The following CBX5 variants were observed in gnomAD, a reference collection of about 807,000 sequenced individuals.
CBX5 encodes chromobox 5, also known as chromobox protein homolog 5.
CBX5 carries 7 observed loss-of-function variants against 20.7 expected under a neutral mutation model. The observed-to-expected ratio is 0.34, with a 90% CI of 0.19 to 0.63. The LOEUF (loss-of-function observed/expected upper bound fraction) is 0.63, where lower values mean the gene tolerates loss of function less well. CBX5 is among the 30% of genes least tolerant of loss of function. CBX5 has a pLI of 0.75. For synonymous variants in CBX5, 78 were observed against 77.0 expected (o/e 1.01, Z -0.07); for missense variants, 110 against 224.1 (o/e 0.49, Z 3.25).
At chr12:54,252,713 G>A (rs1417167322) in intron 2 of CBX5, among the ~76,000 whole-genome samples, 4 of 152,074 alleles carry the variant, frequency 2.6e-5, no homozygotes, top group Admixed American at 2.0e-4. Context: ...AGCCGGGCAC[G>A]GTGGCTCACA....
intron 3 of CBX5, among the ~76,000 whole-genome samples, 173 bp from the exon 4 acceptor site, chr12:54,246,388 A>T (rs754881789): frequency 1.2e-4 from 18 of 152,354 alleles, no homozygotes; most frequent in Middle Eastern, 3.4e-3. Flanking sequence ...CAATGAAGTG[A>T]CAGTGATGTC....
chr12:54,250,280 A>C (rs1054987519), intron 3 of CBX5, among the ~76,000 whole-genome samples: 3 of 152,052 alleles, frequency 2.0e-5, no homozygotes, highest in African/African-American at 7.2e-5. Flanking sequence ...CTATGGTGGC[A>C]CATGCCTGTA....
intron 1 of CBX5, among the ~76,000 whole-genome samples, chr12:54,267,328 T>C (rs1359793429): frequency 6.6e-6 from 1 of 152,156 alleles, no homozygotes; most frequent in Non-Finnish European, 1.5e-5. Context: ...TGTCCCCAAA[T>C]AAAATTATGG....
intron 1 of CBX5, among the ~76,000 whole-genome samples, chr12:54,275,107 C>T (rs961854105): frequency 1.3e-5 from 2 of 152,164 alleles, no homozygotes; most frequent in Non-Finnish European, 1.5e-5. Flanking sequence ...TGTAGGCTCA[C>T]TCTTTCTTTC....
intron 3 of CBX5, among the ~76,000 whole-genome samples, chr12:54,250,621 A>C (rs1455834391): frequency 6.9e-6 from 1 of 144,646 alleles, no homozygotes; most frequent in Non-Finnish European, 1.5e-5. Context: ...CTGGCTAACA[A>C]GGTGAAACCC....
In CBX5 at chr12:54,252,038, T is replaced by C; in HGVS notation, c.324+3A>G. On this transcript the variant is annotated splice_donor_region_variant and intron_variant, in intron 3 of 4. Coordinates refer to ENST00000209875, the MANE Select transcript of CBX5 (RefSeq NM_012117.3). Reference sequence around the variant, plus strand: ...TTTTGGGGAAAAGGGAAAGGAAGCTTACCTCTCTCTTTTTTTTAGATTTGA... The same window carrying C: ...TTTTGGGGAAAAGGGAAAGGAAGCTCACCTCTCTCTTTTTTTTAGATTTGA... The C allele has an allele frequency of 6.4e-7, 1 of 1,562,424 alleles. No individual in the cohort carries two copies. Among genetic ancestry groups the C allele is most frequent in the Non-Finnish European group, 8.6e-7 (1 of 1,159,934 alleles).
intron 2 of CBX5, chr12:54,252,531 C>G (rs1943816738): frequency 7.3e-6 from 2 of 273,504 alleles, no homozygotes; most frequent in African/African-American, 4.4e-5. Context: ...TATATCCATA[C>G]AAAGGAATAT....
rs1403200849 is a variant in CBX5, at chr12:54,240,107, T to G, written c.*1648A>C. 1.3e-5 allele frequency: 2 copies of G among 152,234 alleles called. No individual in the cohort carries two copies. Among genetic ancestry groups the G allele is most frequent in the Non-Finnish European group, 2.9e-5 (2 of 68,048 alleles). The allele number at this position is 152,234 out of a possible 1,614,324, so 9.4% of individuals were successfully genotyped here. A position where few individuals can be genotyped will look rare whatever the true frequency, so the allele number is the denominator to read the frequency against. ...GCTATATTAAGCATTTATTCTTATT[T>G]CCTCAGCTTTGGGGCTGGGACAAGG... On this transcript the variant is annotated 3_prime_UTR_variant, in exon 5 of 5. Transcript: ENST00000209875.
chr12:54,252,145 T>G lies in CBX5; in HGVS notation c.220A>C (p.Lys74Gln). ...SEFMKKYKKMKEGENNKPREK... is the reference protein window; with the variant it reads ...SEFMKKYKKMQEGENNKPREK... ...CTGGGTTTATTATTTTCACCCTCCTTCATCTTCTTATACTTTTTCATAAAT... is the reference window on the plus strand; with the variant it reads ...CTGGGTTTATTATTTTCACCCTCCTGCATCTTCTTATACTTTTTCATAAAT... The change falls in exon 3 of 5, where the codon AAG becomes CAG. Residue 74 changes from lysine to glutamine, a missense_variant. This residue lies in a region of CBX5 where 58 missense variants were observed against 120.6 expected (regional missense o/e 0.48). Transcript: ENST00000209875. 1 of 1,611,604 alleles carries G rather than the reference T, an allele frequency of 6.2e-7. No homozygotes were observed. The highest frequency in any genetic ancestry group is 8.5e-7 in the Non-Finnish European group (1 of 1,179,032).
chr12:54,264,814 G>C (rs1263325926), intron 1 of CBX5, among the ~76,000 whole-genome samples: 2 of 151,718 alleles, frequency 1.3e-5, no homozygotes, highest in Non-Finnish European at 2.9e-5. Context: ...CTGCACTCTA[G>C]CCTGGGAGAC....
At chr12:54,255,140 G>A (rs1437949291) in intron 2 of CBX5, among the ~76,000 whole-genome samples, 2 of 152,104 alleles carry the variant, frequency 1.3e-5, no homozygotes, top group East Asian at 1.9e-4. Flanking sequence ...AAAAGAGCCT[G>A]GGTTGGCCAG....
intron 1 of CBX5, among the ~76,000 whole-genome samples, chr12:54,265,068 C>G (rs1943944747): frequency 6.6e-6 from 1 of 152,148 alleles, no homozygotes; most frequent in South Asian, 2.1e-4. Flanking sequence ...AGCTCCCTAT[C>G]ACATGGATTA....
intron 1 of CBX5, chr12:54,274,324 A>T (rs1944039230): frequency 6.6e-6 from 1 of 152,228 alleles, no homozygotes; most frequent in African/African-American, 2.4e-5. Flanking sequence ...TAGTACAATG[A>T]TCAGTTAAAA....
intron 1 of CBX5, among the ~76,000 whole-genome samples, chr12:54,279,775 A>G (rs1944114566): frequency 6.6e-6 from 1 of 152,192 alleles, no homozygotes; most frequent in South Asian, 2.1e-4. Flanking sequence ...CGGCAGCTCA[A>G]GGCAGACCCA....
intron 2 of CBX5, among the ~76,000 whole-genome samples, chr12:54,257,064 GC>G (rs1488371104): frequency 2.0e-5 from 3 of 146,658 alleles, no homozygotes; most frequent in Non-Finnish European, 3.0e-5. Context: ...CACCATGTTG[GC>G]CAGGCTGGTC....
intron 4 of CBX5, among the ~76,000 whole-genome samples, chr12:54,243,121 C>T (rs1434759911): frequency 1.3e-5 from 2 of 151,666 alleles, no homozygotes; most frequent in Non-Finnish European, 1.5e-5. Flanking sequence ...GAGACCCTGT[C>T]TCAAAATAAA....
chr12:54,260,543 TAAA>T (rs200040287), intron 1 of CBX5, among the ~76,000 whole-genome samples: 1 of 140,664 alleles, frequency 7.1e-6, no homozygotes, highest in Non-Finnish European at 1.6e-5. Flanking sequence ...CTAAGAAGCT[TAAA>T]AAAAAAAAAG....
chr12:54,275,665 C>T (rs1433560390), intron 1 of CBX5, among the ~76,000 whole-genome samples: 1 of 152,002 alleles, frequency 6.6e-6, no homozygotes, highest in Non-Finnish European at 1.5e-5. Context: ...AAAAATTACC[C>T]ACTAAAATTT....
Position 54,239,129 on chromosome 12 carries a change from A to C in CBX5, c.*2626T>G, listed in dbSNP as rs1450858219. On this transcript the variant is annotated 3_prime_UTR_variant, in exon 5 of 5. Coordinates refer to ENST00000209875, the MANE Select transcript of CBX5 (RefSeq NM_012117.3). ...GCTGCAGGTAGGCAGGAAGAGAACAAAAGTTGTTTTGGCGGCACTCAGTAC... is the reference window on the plus strand; with the variant it reads ...GCTGCAGGTAGGCAGGAAGAGAACACAAGTTGTTTTGGCGGCACTCAGTAC... 1.3e-5 allele frequency: 2 copies of C among 152,264 alleles called. No individual in the cohort carries two copies. Among genetic ancestry groups the C allele is most frequent in the African/African-American group, 4.8e-5 (2 of 41,458 alleles). The allele number at this position is 152,264 out of a possible 1,614,324, so 9.4% of individuals were successfully genotyped here. A position where few individuals can be genotyped will look rare whatever the true frequency, so the allele number is the denominator to read the frequency against.
Sources: gnomAD v4.1 joint callset for allele counts (sites outside exome capture counted in the v4.1 genomes callset) on GRCh38, gnomAD v4.1.1 for gene constraint, gnomAD v4.1.1 regional missense constraint, MANE v1.5 for transcripts, NCBI Gene and HGNC (gene_info 2026-07-23, HGNC 2026-07-21) for gene names.